Variants in GATA6 observed in about 807,000 individuals in gnomAD.
GATA6 encodes the protein GATA binding protein 6, also known as transcription factor GATA-6.
GATA6 carries 11 observed loss-of-function variants against 48.1 expected under a neutral mutation model. The ratio of observed to expected loss-of-function variants is 0.23; its 90% CI spans 0.14 to 0.38. The LOEUF is 0.38. Among genes scored for constraint, GATA6 ranks in the 10% least tolerant of loss-of-function variants. GATA6 has a pLI of 1.00. For missense variants in GATA6, 795 were observed against 850.3 expected (o/e 0.93, Z 0.81); for synonymous variants, 419 against 396.1 (o/e 1.06, Z -0.69).
intron 6 of GATA6, among the ~76,000 whole-genome samples, chr18:22,198,322 C>T (rs912249587): frequency 6.6e-6 from 1 of 152,150 alleles, no homozygotes; most frequent in African/African-American, 2.4e-5. Context: ...CCTCCCTCCT[C>T]GGCTTCCCAA....
chr18:22,199,500 T>A (rs1218009513), intron 6 of GATA6, among the ~76,000 whole-genome samples: 2 of 152,204 alleles, frequency 1.3e-5, no homozygotes, highest in Non-Finnish European at 2.9e-5. Context: ...TAAACAGATT[T>A]TAGTTATTTT....
chr18:22,182,349 C>CTTTT (rs34089081), intron 4 of GATA6, among the ~76,000 whole-genome samples: 2 of 134,124 alleles, frequency 1.5e-5, no homozygotes, highest in African/African-American at 2.7e-5. Flanking sequence ...ATGCCAAGTT[C>CTTTT]TTTTTTTTTT....
intron 2 of GATA6, 70 bp from the exon 3 acceptor site, chr18:22,176,885 C>G (rs905057853): frequency 1.3e-4 from 190 of 1,487,690 alleles, no homozygotes; most frequent in Non-Finnish European, 1.6e-4. Flanking sequence ...GGCCGGGGTC[C>G]CCGGGGTGAC....
chr18:22,196,476 C>T (rs889482114), intron 6 of GATA6, among the ~76,000 whole-genome samples: 6 of 152,154 alleles, frequency 3.9e-5, no homozygotes, highest in Non-Finnish European at 5.9e-5. Flanking sequence ...TGTGGTAGCT[C>T]GTGCCTGTGA....
In GATA6 at chr18:22,172,006, G is replaced by A. The variant is rs1268789855; in HGVS notation, c.862G>A (p.Gly288Arg). Residue 288 changes from glycine to arginine, a missense_variant, in exon 2 of 7, where the codon GGG becomes AGG. By Grantham distance (125) the Gly-to-Arg change is moderately radical. Coordinates refer to ENST00000269216, the MANE Select transcript of GATA6 (RefSeq NM_005257.6). The surrounding 1 kb of genome is among the most constrained non-coding windows in gnomAD (Gnocchi z 5.2). ...EPGGYAAAGS[G>R]GAGGVSGGGS... ...GGGAGGCTACGCGGCGGCGGGCAGT[G>A]GGGGCGCGGGAGGCGTGAGCGGCGG... The A allele has an allele frequency of 1.6e-6, 2 of 1,235,658 alleles. No individual in the cohort carries two copies. The highest frequency in any genetic ancestry group is 2.0e-6 in the Non-Finnish European group (2 of 991,802). 76.5% of individuals were successfully genotyped at this position (1,235,658 alleles called of 1,614,324 possible).
chr18:22,186,479 CTTA>C (rs2033263358), intron 6 of GATA6, among the ~76,000 whole-genome samples: 2 of 152,200 alleles, frequency 1.3e-5, no homozygotes, highest in African/African-American at 4.8e-5. Context: ...TCCCAGCAGG[CTTA>C]TTGTAAGTCC....
At chr18:22,179,746 C>G (rs1273506933) in intron 3 of GATA6, among the ~76,000 whole-genome samples, 2 of 152,196 alleles carry the variant, frequency 1.3e-5, no homozygotes, top group African/African-American at 2.4e-5. Flanking sequence ...TTTAGCAAAG[C>G]AGTTTCCCAG....
chr18:22,177,102 T>G lies in GATA6; in HGVS notation c.1283T>G (p.Ile428Ser), dbSNP rs2033131634. The change falls in exon 3 of 7, where the codon ATC (isoleucine) becomes AGC (serine). Residue 428 changes from isoleucine to serine, a missense_variant. Ile to Ser is a moderately radical substitution (Grantham distance 142, BLOSUM62 -2). Coordinates refer to ENST00000269216, the MANE Select transcript of GATA6 (RefSeq NM_005257.6). ...ATGAACGGCCTCAGCCGGCCCCTCA[T>G]CAAGCCGCAGAAGCGCGTGGTGAGT... ...SKMNGLSRPLIKPQKRVPSSR... is the reference protein window; with the variant it reads ...SKMNGLSRPLSKPQKRVPSSR... 6.4e-7 allele frequency: 1 copy of G among 1,552,114 alleles called. No individual in the cohort carries two copies. Among genetic ancestry groups the G allele is most frequent in the Admixed American group, 1.9e-5 (1 of 51,634 alleles).
intron 6 of GATA6, 40 bp from the exon 7 acceptor site, chr18:22,200,616 C>T: frequency 6.2e-7 from 1 of 1,613,578 alleles, no homozygotes; most frequent in African/African-American, 1.3e-5. Flanking sequence ...AACCGCTTCT[C>T]ACCTTCTCGT....
At chr18:22,173,931 A>G (rs2033089009) in intron 2 of GATA6, among the ~76,000 whole-genome samples, 1 of 152,226 alleles carries the variant, frequency 6.6e-6, no homozygotes, top group Non-Finnish European at 1.5e-5. Flanking sequence ...CACCGCGCCC[A>G]GCGAAATTCC....
chr18:22,171,887 G>C lies in GATA6; in HGVS notation c.743G>C (p.Gly248Ala), dbSNP rs1014382084. ...GGCGCGGCTGGCGGCGGGGCCGCGG[G>C]GCCTGGCGGCGCTGGCTCAGCCGCG... ...GGGAAGGGAA[G>A]PGGAGSAAAH... Residue 248 changes from glycine to alanine, a missense_variant, in exon 2 of 7, where the codon GGG becomes GCG. Physicochemically the swap from Gly to Ala is moderately conservative, Grantham distance 60. Around this residue, in one of 5 missense-constraint regions of GATA6, gnomAD observed 591 missense variants for 570.0 expected, o/e 1.04. Transcript: ENST00000269216. The surrounding 1 kb of genome is among the most constrained non-coding windows in gnomAD (Gnocchi z 7.1). 8.7e-6 allele frequency: 10 copies of C among 1,151,904 alleles called. No homozygotes were observed. The East Asian group carries it at 3.4e-4, about 39-fold the overall frequency. 71.4% of individuals were successfully genotyped at this position (1,151,904 alleles called of 1,614,324 possible).
chr18:22,192,782 T>C (rs2033343392), intron 6 of GATA6, among the ~76,000 whole-genome samples: 1 of 152,222 alleles, frequency 6.6e-6, no homozygotes, highest in African/African-American at 2.4e-5. Context: ...CCTCATTGAC[T>C]TCAAGTTGTG....
At position 22,172,030 on chromosome 18, in the gene GATA6, G is replaced by C; in HGVS notation, c.886G>C (p.Gly296Arg). The change falls in exon 2 of 7, where the codon GGC becomes CGC. Residue 296 changes from glycine (G) to arginine (R), a missense_variant. Physicochemically the swap from Gly to Arg is moderately radical, Grantham distance 125. Coordinates refer to ENST00000269216, the MANE Select transcript of GATA6 (RefSeq NM_005257.6). The surrounding 1 kb of genome is among the most constrained non-coding windows in gnomAD (Gnocchi z 5.2). ...GSGGAGGVSG[G>R]GSSLAAMGGR... ...TGGGGGCGCGGGAGGCGTGAGCGGCGGCGGCAGTAGCCTGGCGGCCATGGG... is the reference window on the plus strand; with the variant it reads ...TGGGGGCGCGGGAGGCGTGAGCGGCCGCGGCAGTAGCCTGGCGGCCATGGG... 8.0e-7 allele frequency: 1 copy of C among 1,249,610 alleles called. No individual in the cohort carries two copies. Among genetic ancestry groups the C allele is most frequent in the Non-Finnish European group, 1.0e-6 (1 of 1,000,196 alleles). The allele number at this position is 1,249,610 out of a possible 1,614,324, so 77.4% of individuals were successfully genotyped here.
intron 3 of GATA6, among the ~76,000 whole-genome samples, chr18:22,180,511 A>C (rs1403205169): frequency 6.6e-6 from 1 of 152,152 alleles, no homozygotes; most frequent in Non-Finnish European, 1.5e-5. Context: ...AGTTGAGAAT[A>C]ATACTGATAG....
Position 22,170,977 on chromosome 18 carries a change from T to C in GATA6, c.-37-131T>C. 1 of 654,392 alleles carries C rather than the reference T, an allele frequency of 1.5e-6. No homozygotes were observed. Among genetic ancestry groups the C allele is most frequent in the Non-Finnish European group, 2.7e-6 (1 of 368,166 alleles). 40.5% of individuals were successfully genotyped at this position (654,392 alleles called of 1,614,324 possible). A position where few individuals can be genotyped will look rare whatever the true frequency, so the allele number is the denominator to read the frequency against. On this transcript the variant is annotated intron_variant, in intron 1 of 6. Coordinates refer to ENST00000269216, the MANE Select transcript of GATA6 (RefSeq NM_005257.6). This position sits in a 1 kb window ranked among gnomAD's most constrained non-coding sequence, Gnocchi z 6.7. ...GCAGAAATAGGATCTTTGAGAAGTC[T>C]CAAATGGGATCTTTGAGAAGTCAGA...
intron 4 of GATA6, among the ~76,000 whole-genome samples, chr18:22,182,276 GAGGAA>G (rs1424308905): frequency 6.6e-6 from 1 of 152,002 alleles, no homozygotes; most frequent in Non-Finnish European, 1.5e-5. Context: ...TGCATTTGAT[GAGGAA>G]AGTGTAGTCT....
chr18:22,193,830 G>C (rs1439118248), intron 6 of GATA6, among the ~76,000 whole-genome samples: 1 of 152,172 alleles, frequency 6.6e-6, no homozygotes, highest in Non-Finnish European at 1.5e-5. Flanking sequence ...ATTTATGCAT[G>C]TAATCCACAA....
intron 3 of GATA6, among the ~76,000 whole-genome samples, chr18:22,180,950 T>C (rs9957475): frequency 0.15 from 23,374 of 151,004 alleles, 5,052 homozygotes; most frequent in African/African-American, 0.49. Context: ...CGGTGGGGGG[T>C]GGGCGGCAGG....
rs564477642 is a variant in GATA6 at position 22,201,024 on chromosome 18, G to T, written c.*201G>T. 5.2e-4 allele frequency: 362 copies of T among 700,248 alleles called. No homozygotes were observed. Among genetic ancestry groups the T allele is most frequent in the Non-Finnish European group, 7.5e-4 (324 of 429,464 alleles). The allele number at this position is 700,248 out of a possible 1,614,324, so 43.4% of individuals were successfully genotyped here. ...AAGGGAAGGGCCAGTGCAACTGGGCGCTTGGGCCACTCCAGCCAGCCCGCC... is the reference window on the plus strand; with the variant it reads ...AAGGGAAGGGCCAGTGCAACTGGGCTCTTGGGCCACTCCAGCCAGCCCGCC... On this transcript the variant is annotated 3_prime_UTR_variant, in exon 7 of 7. Coordinates refer to ENST00000269216, the MANE Select transcript of GATA6 (RefSeq NM_005257.6).
Sources: allele counts gnomAD v4.1 joint callset (sites outside exome capture counted in the v4.1 genomes callset), GRCh38; gene constraint gnomAD v4.1.1; regional missense constraint gnomAD v4.1.1; non-coding constraint Gnocchi (gnomAD v3.1); transcripts MANE v1.5; gene names NCBI Gene and HGNC (gene_info 2026-07-23, HGNC 2026-07-21).